ADAMTS12: variants seen among roughly 807,000 people sequenced by gnomAD.
ADAMTS12 encodes the protein ADAM metallopeptidase with thrombospondin type 1 motif 12.
Under a neutral mutation model 167.8 loss-of-function variants are expected in ADAMTS12, and 118 were observed. That is an observed-to-expected ratio of 0.70 (90% CI 0.61 to 0.82). The LOEUF (loss-of-function observed/expected upper bound fraction) is 0.82, where lower values mean the gene tolerates loss of function less well. ADAMTS12 is among the 40% of genes least tolerant of loss of function. The pLI is 0.00. For missense variants in ADAMTS12, 1,916 were observed against 1,998.8 expected (o/e 0.96, Z 0.79); for synonymous variants, 704 against 716.9 (o/e 0.98, Z 0.29).
chr5:33,866,223 T>C (rs1454692365), intron 2 of ADAMTS12, among the ~76,000 whole-genome samples: 1 of 152,234 alleles, frequency 6.6e-6, no homozygotes, highest in Admixed American at 6.5e-5. Flanking sequence ...AAAAAGAGCA[T>C]GGTACTGTTA....
chr5:33,711,883 C>T (rs1423489), intron 3 of ADAMTS12, among the ~76,000 whole-genome samples: 36,882 of 152,074 alleles, frequency 0.24, 4,919 homozygotes, highest in East Asian at 0.58. Flanking sequence ...CTTCAAATAT[C>T]TGCTCAGCCT....
rs1306306887 is a variant in ADAMTS12 at position 33,704,650 on chromosome 5, GA to G, written c.635-20596del. Among the ~76,000 whole-genome samples, 2 of 152,070 alleles carry G rather than the reference GA, an allele frequency of 1.3e-5. 1 individual carries two copies. Among genetic ancestry groups the G allele is most frequent in the Admixed American group, 1.3e-4 (2 of 15,266 alleles). On this transcript the variant is annotated intron_variant, in intron 3 of 23. Coordinates refer to ENST00000504830, the MANE Select transcript of ADAMTS12 (RefSeq NM_030955.4). ...TGATGGCCATTTATATGCCTTCTTT[GA>G]AGAAATTCCTATTTAGGTCCTCTGC...
chr5:33,721,121 A>T (rs533165998), intron 3 of ADAMTS12, among the ~76,000 whole-genome samples: 1 of 152,302 alleles, frequency 6.6e-6, no homozygotes, highest in African/African-American at 2.4e-5. Context: ...CAGACACGAG[A>T]GAGAGTGTAT....
intron 20 of ADAMTS12, among the ~76,000 whole-genome samples, 184 bp from the exon 21 acceptor site, chr5:33,549,567 G>A (rs1381176111): frequency 6.6e-6 from 1 of 152,224 alleles, no homozygotes; most frequent in Admixed American, 6.5e-5. Flanking sequence ...CCGATGTCGG[G>A]AAACACATGC....
At chr5:33,606,863 A>G (rs550867129) in intron 16 of ADAMTS12, among the ~76,000 whole-genome samples, 4 of 152,354 alleles carry the variant, frequency 2.6e-5, no homozygotes, top group African/African-American at 9.6e-5. Context: ...CCTAAGTGAA[A>G]TATTAGCAAA....
chr5:33,740,064 C>T (rs1350769984), intron 3 of ADAMTS12, among the ~76,000 whole-genome samples: 2 of 152,158 alleles, frequency 1.3e-5, no homozygotes, highest in African/African-American at 4.8e-5. Context: ...CTTCATGTAA[C>T]TGATGAGGAA....
intron 2 of ADAMTS12, among the ~76,000 whole-genome samples, chr5:33,760,879 CTGTGTGTGTGTG>C (rs61110268): frequency 0.022 from 3,238 of 145,546 alleles, 120 homozygotes; most frequent in East Asian, 0.15. Context: ...TGTCTTTGCT[CTGTGTGTGTGTG>C]TGTGTGTGTG....
intron 2 of ADAMTS12, among the ~76,000 whole-genome samples, chr5:33,831,528 G>A (rs1748299619): frequency 6.6e-6 from 1 of 152,186 alleles, no homozygotes; most frequent in African/African-American, 2.4e-5. Context: ...TTGACTTACT[G>A]CATTTTGAGA....
At chr5:33,798,434 CTTTTTTTTT>C (rs3037113) in intron 2 of ADAMTS12, among the ~76,000 whole-genome samples, 4 of 69,248 alleles carry the variant, frequency 5.8e-5, no homozygotes, top group African/African-American at 1.2e-4. Flanking sequence ...TTCTTTGTAT[CTTTTTTTTT>C]TTTTTTTTTT....
rs181258208 is a variant in ADAMTS12 at position 33,643,729 on chromosome 5, G to C, written c.1480-259C>G. 3.0e-4 allele frequency among the ~76,000 whole-genome samples: 46 copies of C among 152,350 alleles called. 1 individual carries two copies. The East Asian group carries it at 6.4e-3, about 21-fold the overall frequency. ...ATAAAACCTATTTTCTAAGGGTTGAGATGGTCATTTCTATATGTTTGGCAC... is the reference window on the plus strand; with the variant it reads ...ATAAAACCTATTTTCTAAGGGTTGACATGGTCATTTCTATATGTTTGGCAC... On this transcript the variant is annotated intron_variant, in intron 9 of 23. Transcript: ENST00000504830.
intron 23 of ADAMTS12, among the ~76,000 whole-genome samples, chr5:33,528,747 A>T (rs951438514): frequency 6.6e-6 from 1 of 152,196 alleles, no homozygotes; most frequent in Non-Finnish European, 1.5e-5. Flanking sequence ...CCCGTCAGCA[A>T]AATAACCAAT....
At chr5:33,863,625 C>T (rs908495709) in intron 2 of ADAMTS12, among the ~76,000 whole-genome samples, 30 of 152,172 alleles carry the variant, frequency 2.0e-4, no homozygotes, top group Admixed American at 1.9e-3. Context: ...AATGGCCATA[C>T]TGACCAAAGT....
intron 2 of ADAMTS12, among the ~76,000 whole-genome samples, chr5:33,764,623 G>A (rs188565986): frequency 5.6e-4 from 85 of 152,204 alleles, no homozygotes; most frequent in African/African-American, 1.9e-3. Flanking sequence ...TAAATTCGTC[G>A]GGGAAGAGAT....
chr5:33,858,881 G>A (rs1457301947), intron 2 of ADAMTS12, among the ~76,000 whole-genome samples: 4 of 151,888 alleles, frequency 2.6e-5, no homozygotes, highest in Admixed American at 6.6e-5. Flanking sequence ...AGGATGGGGT[G>A]TCACCTTACC....
intron 17 of ADAMTS12, among the ~76,000 whole-genome samples, chr5:33,595,664 C>T (rs954842143): frequency 3.9e-5 from 6 of 152,194 alleles, no homozygotes; most frequent in Non-Finnish European, 8.8e-5. Flanking sequence ...CCACTTAGCA[C>T]TCTCTTCACC....
At position 33,625,810 on chromosome 5, in the gene ADAMTS12, G is replaced by T. The variant is rs780727162; in HGVS notation, c.2023-1459C>A. Among the ~76,000 whole-genome samples, 3 of 152,130 alleles carry T rather than the reference G, an allele frequency of 2.0e-5. No individual in the cohort carries two copies. In the East Asian group the frequency reaches 5.8e-4, roughly 29 times the overall value. ...AATTTAGTTTTCCTGTGAGCTGCAT[G>T]CAGTACAATAAAAACTGAATTAAGT... On this transcript the variant is annotated intron_variant, in intron 13 of 23. Transcript: ENST00000504830.
chr5:33,539,207 G>A (rs1338409552), intron 22 of ADAMTS12, among the ~76,000 whole-genome samples: 1 of 152,174 alleles, frequency 6.6e-6, no homozygotes, highest in Non-Finnish European at 1.5e-5. Context: ...CTCCCAAAGT[G>A]CTAGGACTAC....
intron 16 of ADAMTS12, among the ~76,000 whole-genome samples, chr5:33,599,249 G>A (rs1579726900): frequency 6.6e-6 from 1 of 152,306 alleles, no homozygotes; most frequent in East Asian, 1.9e-4. Context: ...AGGGTGCTTT[G>A]TTATATACCA....
intron 3 of ADAMTS12, among the ~76,000 whole-genome samples, chr5:33,747,917 C>A (rs2112384602): frequency 6.6e-6 from 1 of 152,218 alleles, no homozygotes; most frequent in East Asian, 1.9e-4. Flanking sequence ...CAATTCTACC[C>A]AAAGAACCTA....
Sources: gnomAD v4.1 joint callset for allele counts (sites outside exome capture counted in the v4.1 genomes callset) on GRCh38, gnomAD v4.1.1 for gene constraint, MANE v1.5 for transcripts, NCBI Gene and HGNC (gene_info 2026-07-23, HGNC 2026-07-21) for gene names.